IQCB1: variants seen among roughly 807,000 people sequenced by gnomAD.
IQCB1 encodes the protein IQ calmodulin-binding motif-containing protein 1.
IQCB1 carries 56 observed loss-of-function variants against 84.4 expected under a neutral mutation model. The ratio of observed to expected loss-of-function variants is 0.66; its 90% CI spans 0.54 to 0.83. IQCB1 has a LOEUF of 0.83. Among genes scored for constraint, IQCB1 ranks in the 40% least tolerant of loss-of-function variants. The pLI, the probability that IQCB1 is intolerant of heterozygous loss-of-function variation, is 0.00. For synonymous variants in IQCB1, 210 were observed against 234.8 expected (o/e 0.89, Z 0.96); for missense variants, 629 against 682.1 (o/e 0.92, Z 0.87).
chr3:121,785,753 G>T (rs975297737), intron 12 of IQCB1, among the ~76,000 whole-genome samples: 2 of 152,094 alleles, frequency 1.3e-5, no homozygotes, highest in African/African-American at 2.4e-5. Flanking sequence ...AATCTGGTGG[G>T]TATTTTACAC....
At chr3:121,779,101 T>A (rs551861903) in intron 13 of IQCB1, among the ~76,000 whole-genome samples, 42 of 152,148 alleles carry the variant, frequency 2.8e-4, no homozygotes, top group African/African-American at 9.1e-4. Context: ...TTTTTTTTGT[T>A]TTTAAGATTT....
intron 13 of IQCB1, among the ~76,000 whole-genome samples, chr3:121,778,586 CTTTT>C (rs527837589): frequency 2.6e-5 from 4 of 151,040 alleles, no homozygotes; most frequent in African/African-American, 9.8e-5. Flanking sequence ...AGGTTGACAA[CTTTT>C]TTTCCTTTCA....
chr3:121,831,463 C>T (rs929893248), intron 2 of IQCB1, among the ~76,000 whole-genome samples: 1 of 152,126 alleles, frequency 6.6e-6, no homozygotes, highest in South Asian at 2.1e-4. Context: ...AATTAATACA[C>T]CCCAAGGTGT....
chr3:121,833,381 T>G (rs7646346), intron 2 of IQCB1, among the ~76,000 whole-genome samples: 41,828 of 152,120 alleles, frequency 0.27, 6,269 homozygotes, highest in Admixed American at 0.43. Flanking sequence ...CTCAATTTCT[T>G]GACTTTCTGT....
At chr3:121,812,683 C>G (rs1949875880) in intron 5 of IQCB1, among the ~76,000 whole-genome samples, 1 of 151,898 alleles carries the variant, frequency 6.6e-6, no homozygotes, top group South Asian at 2.1e-4. Context: ...GAATGAAGAT[C>G]AACTTAATGA....
At chr3:121,779,526 T>C (rs1334379392) in intron 13 of IQCB1, among the ~76,000 whole-genome samples, 2 of 152,204 alleles carry the variant, frequency 1.3e-5, no homozygotes, top group Non-Finnish European at 2.9e-5. Context: ...ACTTGACTTT[T>C]TGAACATATA....
At chr3:121,802,431 T>C (rs1426878933) in intron 7 of IQCB1, among the ~76,000 whole-genome samples, 1 of 152,104 alleles carries the variant, frequency 6.6e-6, no homozygotes, top group Non-Finnish European at 1.5e-5. Context: ...TAAAGTTGTT[T>C]ATATTATTCC....
At chr3:121,832,874 T>C (rs1233355107) in intron 2 of IQCB1, among the ~76,000 whole-genome samples, 4 of 152,252 alleles carry the variant, frequency 2.6e-5, no homozygotes, top group Non-Finnish European at 4.4e-5. Flanking sequence ...ACAGTAGTCA[T>C]AAATTCATAA....
chr3:121,811,333 T>C (rs1452106494), intron 5 of IQCB1, among the ~76,000 whole-genome samples: 3 of 152,178 alleles, frequency 2.0e-5, no homozygotes, highest in Admixed American at 2.0e-4. Context: ...AGCACAAAAC[T>C]GGTCAGCTGT....
At chr3:121,802,796 GATA>G (rs902629752) in intron 7 of IQCB1, among the ~76,000 whole-genome samples, 2 of 152,102 alleles carry the variant, frequency 1.3e-5, no homozygotes, top group Non-Finnish European at 2.9e-5. Context: ...AGGCATTAGT[GATA>G]TAAATTTCCC....
At chr3:121,781,663 A>AC (rs1553709034) in intron 13 of IQCB1, 80 bp downstream of exon 13, 48 of 1,046,536 alleles carry the variant, frequency 4.6e-5, no homozygotes, top group African/African-American at 8.3e-5. Context: ...ACACACACAC[A>AC]ATATATGTGT....
chr3:121,832,380 T>A (rs9848027), intron 2 of IQCB1, among the ~76,000 whole-genome samples: 2 of 150,636 alleles, frequency 1.3e-5, no homozygotes, highest in South Asian at 2.1e-4. Flanking sequence ...CTGGCTGCAG[T>A]GCAGTGGTGC....
chr3:121,807,048 G>A (rs1441597300), intron 7 of IQCB1, among the ~76,000 whole-genome samples: 1 of 151,754 alleles, frequency 6.6e-6, no homozygotes, highest in Non-Finnish European at 1.5e-5. Context: ...TTAAGCCTGA[G>A]ATTTGAGCTA....
At position 121,834,930 on chromosome 3, in the gene IQCB1, C is replaced by A. The variant is rs549020006; in HGVS notation, c.-102+36G>T. ...GGCCTCCTGGTAGGCGCCCTGGGGCCCTCTCCCTCCCCAGCCACCACCTCA... is the reference window on the plus strand; with the variant it reads ...GGCCTCCTGGTAGGCGCCCTGGGGCACTCTCCCTCCCCAGCCACCACCTCA... On this transcript the variant is annotated intron_variant, in intron 1 of 14. Transcript: ENST00000310864. 1.4e-4 allele frequency: 47 copies of A among 345,600 alleles called. No homozygotes were observed. The Middle Eastern group carries it at 3.7e-3, about 27-fold the overall frequency. 21.4% of individuals were successfully genotyped at this position (345,600 alleles called of 1,614,324 possible). A position where few individuals can be genotyped will look rare whatever the true frequency, so the allele number is the denominator to read the frequency against.
chr3:121,792,503 A>T (rs11712302), intron 10 of IQCB1, among the ~76,000 whole-genome samples: 83,369 of 134,172 alleles, frequency 0.62, 26,457 homozygotes, highest in African/African-American at 0.69. Context: ...ACTAAAAAAT[A>T]ACAAAAAAAT....
chr3:121,807,314 A>G, intron 7 of IQCB1, 30 bp downstream of exon 7: 2 of 1,062,152 alleles, frequency 1.9e-6, no homozygotes, highest in Non-Finnish European at 2.9e-6. Context: ...ATAAAAAAAA[A>G]GCAGTAACAT....
chr3:121,808,394 T>C (rs1271002701), intron 6 of IQCB1, among the ~76,000 whole-genome samples: 1 of 151,994 alleles, frequency 6.6e-6, no homozygotes, highest in Non-Finnish European at 1.5e-5. Context: ...AACTAAGAAT[T>C]ATTTTTTCAG....
At chr3:121,786,514 T>C (rs1576552551) in intron 12 of IQCB1, among the ~76,000 whole-genome samples, 1 of 139,830 alleles carries the variant, frequency 7.2e-6, no homozygotes, top group South Asian at 2.3e-4. Context: ...AAAAAAAAAG[T>C]AATCCTCTTA....
chr3:121,800,328 G>C (rs1949356850), intron 7 of IQCB1, among the ~76,000 whole-genome samples: 1 of 151,760 alleles, frequency 6.6e-6, no homozygotes, highest in Non-Finnish European at 1.5e-5. Context: ...AAAATTTTGA[G>C]CAGTCAAATT....
Sources: allele counts gnomAD v4.1 joint callset (sites outside exome capture counted in the v4.1 genomes callset), GRCh38; gene constraint gnomAD v4.1.1; transcripts MANE v1.5; gene names NCBI Gene and HGNC (gene_info 2026-07-23, HGNC 2026-07-21).